The following FBXW8 variants were observed in gnomAD, a reference collection of about 807,000 sequenced individuals.
The protein encoded by FBXW8 is F-box and WD repeat domain containing 8.
A neutral mutation model predicts 65.3 loss-of-function variants in FBXW8; 57 were observed. The observed-to-expected ratio is 0.87, with a 90% CI of 0.71 to 1.09. The LOEUF (loss-of-function observed/expected upper bound fraction) is 1.09. Ranked by LOEUF, FBXW8 falls within the 50% of genes least tolerant of loss-of-function variation. FBXW8 has a pLI of 0.00. For synonymous variants in FBXW8, 308 were observed against 330.2 expected, an observed-to-expected ratio of 0.93 and a Z score of 0.73; for missense variants, 777 against 814.8, an observed-to-expected ratio of 0.95 and a Z score of 0.57.
intron 4 of FBXW8, among the ~76,000 whole-genome samples, chr12:116,955,039 G>GC (rs915721130): frequency 9.6e-5 from 14 of 146,310 alleles, no homozygotes; most frequent in South Asian, 6.7e-4. Flanking sequence ...CTTGAAATGG[G>GC]GGGGGGGGGC....
intron 7 of FBXW8, among the ~76,000 whole-genome samples, chr12:117,000,580 G>A (rs745353097): frequency 1.3e-5 from 2 of 152,214 alleles, no homozygotes; most frequent in Non-Finnish European, 2.9e-5. Flanking sequence ...CCAGAGCAGC[G>A]GAGGCTGCTA....
intron 5 of FBXW8, among the ~76,000 whole-genome samples, chr12:116,971,208 A>C (rs1884626239): frequency 6.6e-6 from 1 of 152,052 alleles, no homozygotes; most frequent in South Asian, 2.1e-4. Flanking sequence ...ACAAAAAATG[A>C]ACTAGCTGGG....
At chr12:116,985,168 A>C in intron 5 of FBXW8, 38 bp from the exon 6 acceptor site, 2 of 1,524,170 alleles carry the variant, frequency 1.3e-6, no homozygotes, top group South Asian at 2.6e-5. Context: ...TATTAAGTAA[A>C]TTTAAAATTG....
chr12:116,924,008 C>T (rs1365730122), intron 1 of FBXW8, among the ~76,000 whole-genome samples: 2 of 152,218 alleles, frequency 1.3e-5, no homozygotes, highest in African/African-American at 4.8e-5. Flanking sequence ...CCACTGCACC[C>T]GGCCCAAAAT....
At chr12:116,997,737 C>T (rs569364661) in intron 7 of FBXW8, among the ~76,000 whole-genome samples, 2 of 152,350 alleles carry the variant, frequency 1.3e-5, no homozygotes, top group African/African-American at 4.8e-5. Context: ...TGCAGGAGCC[C>T]TGCTGAAACC....
At chr12:116,938,310 G>A (rs773334421) in intron 2 of FBXW8, among the ~76,000 whole-genome samples, 1 of 152,024 alleles carries the variant, frequency 6.6e-6, no homozygotes. Context: ...CTTTTTGGAA[G>A]CAATTCTCAC....
At chr12:116,988,310 C>T (rs1250573862) in intron 6 of FBXW8, among the ~76,000 whole-genome samples, 3 of 152,090 alleles carry the variant, frequency 2.0e-5, no homozygotes, top group Non-Finnish European at 4.4e-5. Flanking sequence ...AGATTATATC[C>T]CCACCAGCAG....
chr12:116,981,924 A>AT (rs750472620), intron 5 of FBXW8, among the ~76,000 whole-genome samples: 13 of 152,134 alleles, frequency 8.5e-5, no homozygotes, highest in Non-Finnish European at 1.5e-4. Flanking sequence ...TAAAGTTCTT[A>AT]TATAACATGT....
chr12:116,939,529 G>A (rs962667662), intron 2 of FBXW8, among the ~76,000 whole-genome samples: 4 of 152,170 alleles, frequency 2.6e-5, no homozygotes, highest in Non-Finnish European at 5.9e-5. Context: ...TACTGAATAT[G>A]CTTTTGGTCC....
At chr12:116,921,013 C>G (rs1216023724) in intron 1 of FBXW8, among the ~76,000 whole-genome samples, 1 of 152,170 alleles carries the variant, frequency 6.6e-6, no homozygotes, top group Non-Finnish European at 1.5e-5. Context: ...GAGGCCCAGC[C>G]CATTTTGCTT....
chr12:116,995,846 T>A (rs1459735549), intron 7 of FBXW8, among the ~76,000 whole-genome samples: 1 of 152,228 alleles, frequency 6.6e-6, no homozygotes, highest in Admixed American at 6.5e-5. Context: ...GCTGTTAATG[T>A]AGCCTTCGTG....
At chr12:116,930,948 T>C (rs1881721545) in intron 2 of FBXW8, among the ~76,000 whole-genome samples, 3 of 152,308 alleles carry the variant, frequency 2.0e-5, no homozygotes, top group South Asian at 4.1e-4. Flanking sequence ...GCTGGGACTA[T>C]AGGCTCACGC....
At chr12:116,993,097 A>ACTTT (rs1953288105) in intron 7 of FBXW8, among the ~76,000 whole-genome samples, 1 of 81,358 alleles carries the variant, frequency 1.2e-5, no homozygotes, top group Non-Finnish European at 2.7e-5. Flanking sequence ...TTGATTTTTG[A>ACTTT]CTTTTTTTTT....
intron 7 of FBXW8, among the ~76,000 whole-genome samples, chr12:116,993,410 G>A (rs1196397018): frequency 6.6e-6 from 1 of 151,934 alleles, no homozygotes; most frequent in Admixed American, 6.6e-5. Context: ...CCTGTTTTTT[G>A]ATTTTTTAAT....
At chr12:116,923,234 C>G (rs1254193885) in intron 1 of FBXW8, among the ~76,000 whole-genome samples, 1 of 151,848 alleles carries the variant, frequency 6.6e-6, no homozygotes, top group Non-Finnish European at 1.5e-5. Context: ...TGAGCCCTAA[C>G]CCTGGAAATT....
intron 8 of FBXW8, among the ~76,000 whole-genome samples, chr12:117,013,397 A>G (rs138540315): frequency 3.3e-5 from 5 of 152,180 alleles, no homozygotes; most frequent in African/African-American, 1.2e-4. Context: ...GAGATTTTGC[A>G]TAGGAGTTTT....
chr12:117,009,651 CCT>C (rs1953757725), intron 7 of FBXW8, among the ~76,000 whole-genome samples: 1 of 152,090 alleles, frequency 6.6e-6, no homozygotes, highest in Non-Finnish European at 1.5e-5. Context: ...TAAATTTCCC[CCT>C]GCTGGAGAGA....
At chr12:116,984,610 C>T (rs903938180) in intron 5 of FBXW8, among the ~76,000 whole-genome samples, 7 of 152,196 alleles carry the variant, frequency 4.6e-5, no homozygotes, top group African/African-American at 1.7e-4. Flanking sequence ...CATGATGCTA[C>T]ATGTAGGAAA....
chr12:117,025,489 G>C (rs1454272325), intron 9 of FBXW8, among the ~76,000 whole-genome samples: 1 of 152,192 alleles, frequency 6.6e-6, no homozygotes, highest in East Asian at 1.9e-4. Flanking sequence ...TCTGAGCAGC[G>C]ACATGGTCTT....
Sources: gnomAD v4.1 joint callset for allele counts (sites outside exome capture counted in the v4.1 genomes callset) on GRCh38, gnomAD v4.1.1 for gene constraint, MANE v1.5 for transcripts, NCBI Gene and HGNC (gene_info 2026-07-23, HGNC 2026-07-21) for gene names.